RREB1: variants seen among roughly 807,000 people sequenced by gnomAD.
RREB1 encodes the protein ras responsive element binding protein 1.
A neutral mutation model predicts 117.8 loss-of-function variants in RREB1; 27 were observed. That is an observed-to-expected ratio of 0.23 (90% CI 0.17 to 0.32). RREB1 has a LOEUF of 0.32. Among genes scored for constraint, RREB1 ranks in the 10% least tolerant of loss-of-function variants. The pLI, the probability that RREB1 is intolerant of heterozygous loss-of-function variation, is 1.00. For synonymous variants in RREB1, 1,298 were observed against 1,026.7 expected, an observed-to-expected ratio of 1.26 and a Z score of -5.05; for missense variants, 2,577 against 2,378.2, an observed-to-expected ratio of 1.08 and a Z score of -1.74.
At position 7,251,065 on chromosome 6, in the gene RREB1, AAACTT is replaced by A. The variant is rs1401527500; in HGVS notation, c.*2098_*2102del. On this transcript the variant is annotated 3_prime_UTR_variant, in exon 13 of 13. Transcript: ENST00000379938. ...TTTTTTCTTTGCGACTCTCCACACT[AAACTT>A]GCAATATTGTGGGGAGAAGCTGTGA... 1 of 152,066 alleles carries A rather than the reference AAACTT, an allele frequency of 6.6e-6. No homozygotes were observed. The highest frequency in any genetic ancestry group is 2.4e-5 in the African/African-American group (1 of 41,384). 9.4% of individuals were successfully genotyped at this position (152,066 alleles called of 1,614,324 possible).
At chr6:7,119,329 G>GA (rs1422710199) in intron 1 of RREB1, among the ~76,000 whole-genome samples, 3 of 152,066 alleles carry the variant, frequency 2.0e-5, no homozygotes, top group Admixed American at 1.3e-4. Context: ...CAGCTCGGGT[G>GA]ACAGAGCGAG....
intron 1 of RREB1, chr6:7,108,816 C>T (rs1280826008): frequency 6.6e-6 from 1 of 151,636 alleles, no homozygotes; most frequent in African/African-American, 2.4e-5. Flanking sequence ...GGGCGGACGG[C>T]GCCGGCCGGG....
At chr6:7,197,537 T>C (rs1279434048) in intron 6 of RREB1, among the ~76,000 whole-genome samples, 1 of 152,138 alleles carries the variant, frequency 6.6e-6, no homozygotes, top group African/African-American at 2.4e-5. Context: ...AAACAAAAAT[T>C]AGCCAGATTA....
intron 6 of RREB1, among the ~76,000 whole-genome samples, chr6:7,194,354 A>G (rs1452975333): frequency 6.6e-6 from 1 of 152,180 alleles, no homozygotes; most frequent in Non-Finnish European, 1.5e-5. Flanking sequence ...GTTTGAGACC[A>G]GCCTGGCCAA....
intron 8 of RREB1, chr6:7,212,095 C>T (rs1327890927): frequency 8.5e-6 from 2 of 234,550 alleles, no homozygotes; most frequent in Non-Finnish European, 1.7e-5. Context: ...ACAGGGACAG[C>T]CCACGTGTTG....
intron 1 of RREB1, among the ~76,000 whole-genome samples, chr6:7,116,775 C>T (rs1238192883): frequency 3.3e-5 from 5 of 152,162 alleles, no homozygotes; most frequent in African/African-American, 7.2e-5. Context: ...AAAGTTGGCT[C>T]AGCTTAATGT....
chr6:7,121,496 G>C (rs1761677288), intron 1 of RREB1, among the ~76,000 whole-genome samples: 1 of 152,100 alleles, frequency 6.6e-6, no homozygotes. Flanking sequence ...TAATATATTA[G>C]AGTTACATTA....
At position 7,233,664 on chromosome 6, in the gene RREB1, T is replaced by C. The variant is rs934895455; in HGVS notation, c.3808+1757T>C. Among the ~76,000 whole-genome samples, 39 of 152,162 alleles carry C rather than the reference T, an allele frequency of 2.6e-4. 1 individual carries two copies. Among genetic ancestry groups the C allele is most frequent in the Non-Finnish European group, 1.2e-4 (8 of 68,026 alleles). On this transcript the variant is annotated intron_variant, in intron 10 of 12. Transcript: ENST00000379938. Reference sequence around the variant, plus strand: ...TGTGGGTTTTTCTTTTTGCGCTAAATATGGTAACCCAAGGTAGTCAGGAGG... The same window carrying C: ...TGTGGGTTTTTCTTTTTGCGCTAAACATGGTAACCCAAGGTAGTCAGGAGG...
chr6:7,249,116 G>A lies in RREB1; in HGVS notation c.*148G>A, dbSNP rs565442789. The stretch of plus-strand genomic sequence containing the variant: ...GAGAGAGAGAGAGACAAGCAGGAGC[G>A]TGGCTGCTCGCTCAGTGCCATAGCC... On this transcript the variant is annotated 3_prime_UTR_variant, in exon 13 of 13. Coordinates refer to ENST00000379938, the MANE Select transcript of RREB1 (RefSeq NM_001003699.4). The A allele has an allele frequency of 3.4e-4, 239 of 701,026 alleles. 4 individuals carry two copies. The Middle Eastern group carries it at 5.2e-3, about 15-fold the overall frequency. 43.4% of individuals were successfully genotyped at this position (701,026 alleles called of 1,614,324 possible).
chr6:7,169,929 C>T (rs760808797), intron 1 of RREB1, among the ~76,000 whole-genome samples: 3 of 152,166 alleles, frequency 2.0e-5, no homozygotes, highest in Admixed American at 6.5e-5. Context: ...CCCTGTCTCC[C>T]CAGTCAATGT....
chr6:7,139,078 G>A (rs781231780), intron 1 of RREB1, among the ~76,000 whole-genome samples: 2 of 152,122 alleles, frequency 1.3e-5, no homozygotes, highest in Non-Finnish European at 2.9e-5. Flanking sequence ...CTCCTGTAAG[G>A]CCCAGAATTG....
chr6:7,120,060 C>T (rs920987811), intron 1 of RREB1, among the ~76,000 whole-genome samples: 3 of 152,224 alleles, frequency 2.0e-5, no homozygotes, highest in African/African-American at 7.2e-5. Flanking sequence ...GGTGTGTTCT[C>T]TACCTTTTAA....
chr6:7,137,774 C>A (rs1762406274), intron 1 of RREB1, among the ~76,000 whole-genome samples: 2 of 152,090 alleles, frequency 1.3e-5, no homozygotes, highest in Non-Finnish European at 2.9e-5. Context: ...TTCACGGCCG[C>A]CTAGCTCCTC....
intron 1 of RREB1, among the ~76,000 whole-genome samples, chr6:7,112,900 G>A (rs990583172): frequency 6.6e-6 from 1 of 152,186 alleles, no homozygotes; most frequent in African/African-American, 2.4e-5. Context: ...GCACTCTGCC[G>A]TTGGCAGTGG....
Position 7,251,693 on chromosome 6 carries a change from C to A in RREB1, c.*2725C>A, listed in dbSNP as rs1165199220. 6.6e-6 allele frequency: 1 copy of A among 152,102 alleles called. No individual in the cohort carries two copies. Among genetic ancestry groups the A allele is most frequent in the African/African-American group, 2.4e-5 (1 of 41,414 alleles). 9.4% of individuals were successfully genotyped at this position (152,102 alleles called of 1,614,324 possible). On this transcript the variant is annotated 3_prime_UTR_variant, in exon 13 of 13. Coordinates refer to ENST00000379938, the MANE Select transcript of RREB1 (RefSeq NM_001003699.4). ...CCTCTGTTCGTCTCTTTCCTCTCCT[C>A]TTTCTTCAAGAAGGAAATTGATCCT... is the stretch of plus-strand genomic sequence containing the variant.
intron 1 of RREB1, among the ~76,000 whole-genome samples, chr6:7,115,127 G>C (rs946145541): frequency 6.6e-6 from 1 of 152,142 alleles, no homozygotes; most frequent in African/African-American, 2.4e-5. Flanking sequence ...TTATAGGGCA[G>C]TGTTTCTGAG....
chr6:7,157,788 C>G (rs541613515), intron 1 of RREB1, among the ~76,000 whole-genome samples: 1 of 151,960 alleles, frequency 6.6e-6, no homozygotes, highest in African/African-American at 2.4e-5. Context: ...ATCCAACTTA[C>G]GAGTTCTCTT....
intron 4 of RREB1, chr6:7,183,896 C>T (rs1163161698): frequency 6.6e-6 from 1 of 152,190 alleles, no homozygotes; most frequent in Non-Finnish European, 1.5e-5. Context: ...TTGGTGTGAG[C>T]TTAGAGTTCC....
rs761305603 is a variant in RREB1 at position 7,189,171 on chromosome 6, A to G, written c.274A>G (p.Thr92Ala). 2 of 1,613,016 alleles carry G rather than the reference A, an allele frequency of 1.2e-6. No homozygotes were observed. Among genetic ancestry groups the G allele is most frequent in the Non-Finnish European group, 1.7e-6 (2 of 1,179,972 alleles). The change falls in exon 6 of 13, where the codon ACT (threonine) becomes GCT (alanine). Residue 92 changes from threonine (T) to alanine (A), a missense_variant. Physicochemically the swap from Thr to Ala is moderately conservative, Grantham distance 58 (BLOSUM62 0). Coordinates refer to ENST00000379938, the MANE Select transcript of RREB1 (RefSeq NM_001003699.4). Reference sequence around the variant, plus strand: ...TTGCTTTCTGCAGCACAACACAGACACTGGAGGAGCCGACCACTCATGCAG... The same window carrying G: ...TTGCTTTCTGCAGCACAACACAGACGCTGGAGGAGCCGACCACTCATGCAG... ...TMHIRQHNTD[T>A]GGADHSCSIC...
Sources: gnomAD v4.1 joint callset for allele counts (sites outside exome capture counted in the v4.1 genomes callset) on GRCh38, gnomAD v4.1.1 for gene constraint, MANE v1.5 for transcripts, NCBI Gene and HGNC (gene_info 2026-07-23, HGNC 2026-07-21) for gene names.